The following ABCA12 variants were observed in gnomAD, a reference collection of about 807,000 sequenced individuals.
ABCA12 encodes ATP binding cassette subfamily A member 12.
Under a neutral mutation model 293.5 loss-of-function variants are expected in ABCA12, and 156 were observed. The observed-to-expected ratio is 0.53, with a 90% confidence interval of 0.47 to 0.61. ABCA12 has a LOEUF of 0.61. Among genes scored for constraint, ABCA12 ranks in the 20% least tolerant of loss-of-function variants. The probability of loss-of-function intolerance (pLI) is 0.00; values close to 1 mark genes in which losing one functional copy is unlikely to be tolerated. For synonymous variants in ABCA12, 1,063 were observed against 1,108.0 expected (o/e 0.96, Z 0.81); for missense variants, 2,797 against 3,090.2 (o/e 0.91, Z 2.25).
chr2:214,989,287 T>A, intron 26 of ABCA12, 42 bp downstream of exon 26: 1 of 1,602,966 alleles, frequency 6.2e-7, no homozygotes, highest in Non-Finnish European at 8.5e-7. Context: ...TATATTGAAG[T>A]CAACCATAAA....
At chr2:215,126,493 G>C (rs1702925905) in intron 1 of ABCA12, among the ~76,000 whole-genome samples, 1 of 152,076 alleles carries the variant, frequency 6.6e-6, no homozygotes, top group Non-Finnish European at 1.5e-5. Context: ...TTATTGGTCT[G>C]TTTAGGGTAT....
Position 215,077,882 on chromosome 2 carries a change from T to C in ABCA12, c.164-13663A>G, listed in dbSNP as rs192552353. On this transcript the variant is annotated intron_variant, in intron 2 of 52. Coordinates refer to ENST00000272895, the MANE Select transcript of ABCA12 (RefSeq NM_173076.3). The stretch of plus-strand genomic sequence containing the variant: ...TTAAATTATACCTCAAATTACTTAA[T>C]GCAACAGTTGTTCATAGCCTTATGG... 3.0e-4 allele frequency among the ~76,000 whole-genome samples: 45 copies of C among 152,320 alleles called. No individual in the cohort carries two copies. The East Asian group carries it at 5.6e-3, about 19-fold the overall frequency.
rs1439644856 is a variant in ABCA12, at chr2:215,134,640, GACAAAC to G, written c.69+3494_69+3499del. Reference sequence around the variant, plus strand: ...ATAGAGAGAGAGAGAGAGAGAGAGAGACAAACAGAGAGAGAGAGAGAGAGAGAGACA... The same window carrying G: ...ATAGAGAGAGAGAGAGAGAGAGAGAGAGAGAGAGAGAGAGAGAGAGAGACA... On this transcript the variant is annotated intron_variant, in intron 1 of 52. Coordinates refer to ENST00000272895, the MANE Select transcript of ABCA12 (RefSeq NM_173076.3). Among the ~76,000 whole-genome samples the G allele has an allele frequency of 3.2e-3, 380 of 117,636 alleles. 32 individuals are homozygous for G. Among genetic ancestry groups the G allele is most frequent in the African/African-American group, 0.015 (344 of 23,316 alleles). The allele number at this position is 117,636 out of a possible 152,430, so 77.2% of individuals were successfully genotyped here.
chr2:215,017,617 T>C (rs1574986635), intron 14 of ABCA12: 1 of 181,156 alleles, frequency 5.5e-6, no homozygotes, highest in African/African-American at 2.4e-5. Flanking sequence ...TCATACAATG[T>C]AATTGCGACA....
chr2:215,065,056 T>C (rs908264950), intron 2 of ABCA12, among the ~76,000 whole-genome samples: 8 of 151,878 alleles, frequency 5.3e-5, no homozygotes, highest in Admixed American at 2.0e-4. Context: ...TACAAAACAG[T>C]AATTTTCATA....
At chr2:215,019,280 G>C (rs1237438939) in intron 13 of ABCA12, 56 bp downstream of exon 13, 39 of 1,494,228 alleles carry the variant, frequency 2.6e-5, no homozygotes, top group Non-Finnish European at 9.3e-7. Context: ...AAACTGCAGC[G>C]TGAGAATCAC....
intron 2 of ABCA12, chr2:215,085,638 C>T (rs1170219817): frequency 6.6e-6 from 1 of 152,174 alleles, no homozygotes; most frequent in Non-Finnish European, 1.5e-5. Context: ...CTGCCTCCTC[C>T]ATTTTAGCTT....
intron 6 of ABCA12, 70 bp from the exon 7 acceptor site, chr2:215,046,085 T>G: frequency 6.7e-7 from 1 of 1,500,106 alleles, no homozygotes; most frequent in Admixed American, 1.8e-5. Context: ...TTTGCTGTTT[T>G]TAAAAGCATC....
intron 50 of ABCA12, among the ~76,000 whole-genome samples, chr2:214,941,398 T>C (rs1488630672): frequency 2.0e-5 from 3 of 152,198 alleles, no homozygotes; most frequent in African/African-American, 7.2e-5. Context: ...AGAATAGTGA[T>C]GTGGTGCTGA....
intron 27 of ABCA12, 84 bp downstream of exon 27, chr2:214,987,563 G>A (rs1699814417): frequency 6.6e-7 from 1 of 1,510,690 alleles, no homozygotes; most frequent in South Asian, 1.3e-5. Flanking sequence ...TTGCCATTTA[G>A]AAAAAAATAA....
At chr2:215,086,223 A>G (rs1302093740) in intron 2 of ABCA12, among the ~76,000 whole-genome samples, 1 of 152,256 alleles carries the variant, frequency 6.6e-6, no homozygotes, top group African/African-American at 2.4e-5. Context: ...ACATTAGTCA[A>G]TTTTAACCTA....
intron 2 of ABCA12, among the ~76,000 whole-genome samples, chr2:215,094,615 G>T (rs1428020182): frequency 6.6e-6 from 1 of 152,076 alleles, no homozygotes; most frequent in East Asian, 1.9e-4. Context: ...TAAGACGTTT[G>T]CCCTGCATTT....
In ABCA12 at chr2:215,015,662, A is replaced by T; in HGVS notation, c.1784T>A (p.Ile595Asn). ...ATGCAGCCAGAACACCTGAGAAATA[A>T]TCTGCAAATGGAGGAAGAAAAATAT... ...AIPIPDNRAE[I>N]ISQVFWLHSC... The change falls in exon 15 of 53, where the codon ATT (isoleucine) becomes AAT (asparagine). Residue 595 changes from isoleucine to asparagine, a missense_variant and splice_region_variant. Ile to Asn is a moderately radical substitution (Grantham distance 149). Coordinates refer to ENST00000272895, the MANE Select transcript of ABCA12 (RefSeq NM_173076.3). 1.9e-6 allele frequency: 3 copies of T among 1,613,814 alleles called. No individual in the cohort carries two copies. Among genetic ancestry groups the T allele is most frequent in the Non-Finnish European group, 2.5e-6 (3 of 1,179,724 alleles).
chr2:214,972,201 C>G (rs1047232496), intron 36 of ABCA12, among the ~76,000 whole-genome samples: 2 of 151,998 alleles, frequency 1.3e-5, no homozygotes, highest in Non-Finnish European at 2.9e-5. Flanking sequence ...CCTTTTTACT[C>G]TCTTCATCTT....
chr2:214,958,507 T>C (rs1354011315), intron 40 of ABCA12, 53 bp from the exon 41 acceptor site: 1 of 1,580,542 alleles, frequency 6.3e-7, no homozygotes, highest in Non-Finnish European at 8.7e-7. Flanking sequence ...GAAACTCTTT[T>C]CCTTTCAGAA....
At position 215,006,525 on chromosome 2, in the gene ABCA12, C is replaced by T. The variant is rs1298393991; in HGVS notation, c.2592+1202G>A. ...TTGTAATTATAACTATGCATTAATT[C>T]TTAGTCAAAACAAAGACTGAATAAA... is the stretch of plus-strand genomic sequence containing the variant. On this transcript the variant is annotated intron_variant, in intron 19 of 52. Coordinates refer to ENST00000272895, the MANE Select transcript of ABCA12 (RefSeq NM_173076.3). 6.6e-5 allele frequency among the ~76,000 whole-genome samples: 10 copies of T among 152,104 alleles called. No homozygotes were observed. In the East Asian group the frequency reaches 1.4e-3, roughly 21 times the overall value.
chr2:215,025,600 G>GTTTT, intron 11 of ABCA12, 73 bp downstream of exon 11: 11 of 839,910 alleles, frequency 1.3e-5, no homozygotes, highest in South Asian at 3.7e-5. Flanking sequence ...AAGTGTTAAG[G>GTTTT]TTTTTTTTTT....
intron 49 of ABCA12, 139 bp from the exon 50 acceptor site, chr2:214,943,156 G>GAGAT (rs1478913981): frequency 8.8e-6 from 6 of 678,364 alleles, no homozygotes; most frequent in Admixed American, 2.2e-5. Flanking sequence ...TTATTTTTTT[G>GAGAT]AGATAGGGTG....
intron 25 of ABCA12, 32 bp from the exon 26 acceptor site, chr2:214,989,495 G>A: frequency 6.2e-7 from 1 of 1,613,858 alleles, no homozygotes; most frequent in Non-Finnish European, 8.5e-7. Flanking sequence ...TTATTCTTCT[G>A]TGACACACAG....
Sources: allele counts gnomAD v4.1 joint callset (sites outside exome capture counted in the v4.1 genomes callset), GRCh38; gene constraint gnomAD v4.1.1; transcripts MANE v1.5; gene names NCBI Gene and HGNC (gene_info 2026-07-23, HGNC 2026-07-21).